Variants in ATM observed in about 807,000 individuals in gnomAD.
The protein encoded by ATM is ATM serine/threonine kinase.
ATM carries 308 observed loss-of-function variants against 387.0 expected under a neutral mutation model. The ratio of observed to expected loss-of-function variants is 0.80; its 90% CI spans 0.73 to 0.87. ATM has a LOEUF of 0.87. Among genes scored for constraint, ATM ranks in the 40% least tolerant of loss-of-function variants. The pLI is 0.00. For synonymous variants in ATM, 1,156 were observed against 1,187.3 expected (o/e 0.97, Z 0.54); for missense variants, 3,312 against 3,560.9 (o/e 0.93, Z 1.78).
At chr11:108,362,291 A>C (rs1370336304) in intron 61 of ATM, among the ~76,000 whole-genome samples, 2 of 150,822 alleles carry the variant, frequency 1.3e-5, no homozygotes, top group African/African-American at 4.9e-5. Flanking sequence ...TTAAAAAGTC[A>C]GGAAACAACA....
intron 29 of ATM, 184 bp downstream of exon 29, chr11:108,289,985 G>A (rs754875766): frequency 2.7e-5 from 15 of 563,820 alleles, no homozygotes; most frequent in Non-Finnish European, 4.0e-5. Flanking sequence ...ACCCTGCCGG[G>A]TAGCTGGGGC....
At position 108,289,078 on chromosome 11, in the gene ATM, T is replaced by C. The variant is rs1555096989; in HGVS notation, c.4211T>C (p.Ile1404Thr). Residue 1404 changes from isoleucine (I) to threonine (T), a missense_variant, in exon 28 of 63, where the codon ATT (isoleucine) becomes ACT (threonine). Transcript: ENST00000675843. Reference protein sequence around the residue: ...SNCHKTKLKSILEILSKSPDS... With the variant: ...SNCHKTKLKSTLEILSKSPDS... Reference sequence around the variant, plus strand: ...TGTCATAAAACCAAGTTAAAAAGCATTTTAGAAATTCTTTCCAAAAGCCCT... The same window carrying C: ...TGTCATAAAACCAAGTTAAAAAGCACTTTAGAAATTCTTTCCAAAAGCCCT... 9 of 1,611,030 alleles carry C rather than the reference T, an allele frequency of 5.6e-6. No homozygotes were observed. Among genetic ancestry groups the C allele is most frequent in the Non-Finnish European group, 7.6e-6 (9 of 1,177,480 alleles).
At chr11:108,337,153 G>C (rs992922838) in intron 56 of ATM, among the ~76,000 whole-genome samples, 3 of 152,150 alleles carry the variant, frequency 2.0e-5, no homozygotes, top group Non-Finnish European at 4.4e-5. Flanking sequence ...ATAAAAAGCA[G>C]AACTTGGTTT....
At chr11:108,284,621 A>AT in intron 26 of ATM, 148 bp downstream of exon 26, 1 of 1,091,774 alleles carries the variant, frequency 9.2e-7, no homozygotes, top group Non-Finnish European at 1.3e-6. Flanking sequence ...CAACCCATGA[A>AT]TTTTTTTGGT....
intron 60 of ATM, 77 bp from the exon 61 acceptor site, chr11:108,354,732 CAT>C (rs1310650124): frequency 1.6e-5 from 19 of 1,207,058 alleles, no homozygotes; most frequent in Middle Eastern, 2.0e-4. Flanking sequence ...GCATACTACA[CAT>C]GAGAGTATAC....
chr11:108,365,710 CTT>C lies in ATM; in HGVS notation c.*204_*205del. On this transcript the variant is annotated 3_prime_UTR_variant, in exon 63 of 63. Coordinates refer to ENST00000675843, the MANE Select transcript of ATM (RefSeq NM_000051.4). Reference sequence around the variant, plus strand: ...CTTAAGGAACATCTCTGCTTTCACTCTTTAGAAATAATGGTCATTCGGGCTGG... The same window carrying C: ...CTTAAGGAACATCTCTGCTTTCACTCTAGAAATAATGGTCATTCGGGCTGG... The C allele has an allele frequency of 2.9e-6, 2 of 699,198 alleles. No individual in the cohort carries two copies. Among genetic ancestry groups the C allele is most frequent in the Non-Finnish European group, 4.6e-6 (2 of 433,410 alleles). The allele number at this position is 699,198 out of a possible 1,614,324, so 43.3% of individuals were successfully genotyped here.
chr11:108,339,620 C>T (rs1436888833), intron 56 of ATM, among the ~76,000 whole-genome samples: 1 of 152,052 alleles, frequency 6.6e-6, no homozygotes, highest in Non-Finnish European at 1.5e-5. Flanking sequence ...TTTTGAAATT[C>T]AAATTCAGCT....
intron 23 of ATM, 81 bp downstream of exon 23, chr11:108,279,689 AAG>A: frequency 4.4e-6 from 5 of 1,132,350 alleles, no homozygotes; most frequent in Admixed American, 1.7e-5. Context: ...AGTTTGGTAT[AAG>A]AGAGTTTATA....
Position 108,304,666 on chromosome 11 carries a change from A to G in ATM, c.5497-9A>G, listed in dbSNP as rs878853524. The stretch of plus-strand genomic sequence containing the variant: ...CAAACTATTGGGTGGATTTGTTTGT[A>G]TATTCTAGGTGAAAACTGACTTTTG... On this transcript the variant is annotated splice_polypyrimidine_tract_variant and intron_variant, in intron 36 of 62. Coordinates refer to ENST00000675843, the MANE Select transcript of ATM (RefSeq NM_000051.4). 6.2e-7 allele frequency: 1 copy of G among 1,612,932 alleles called. No homozygotes were observed. Among genetic ancestry groups the G allele is most frequent in the Admixed American group, 1.7e-5 (1 of 59,998 alleles).
intron 22 of ATM, among the ~76,000 whole-genome samples, chr11:108,273,498 T>C (rs1049447268): frequency 6.6e-6 from 1 of 151,918 alleles, no homozygotes. Flanking sequence ...CCTGCCACCA[T>C]GCCCAGCTAA....
intron 32 of ATM, 151 bp downstream of exon 32, chr11:108,295,210 G>A (rs1591685720): frequency 1.1e-6 from 1 of 944,914 alleles, no homozygotes; most frequent in East Asian, 2.6e-5. Context: ...CTGTAAAACT[G>A]GTCCTAACTG....
intron 58 of ATM, chr11:108,346,607 C>CTCT (rs2088440430): frequency 6.6e-6 from 1 of 152,460 alleles, no homozygotes; most frequent in Admixed American, 6.5e-5. Context: ...TTGTGAAACT[C>CTCT]TCTTCTACAT....
At chr11:108,308,911 A>C in intron 38 of ATM, 3 of 978,326 alleles carry the variant, frequency 3.1e-6, no homozygotes, top group Non-Finnish European at 4.7e-6. Context: ...AATGTAGTGG[A>C]GAGCATTTGT....
intron 48 of ATM, 144 bp from the exon 49 acceptor site, chr11:108,328,877 G>T: frequency 2.2e-6 from 2 of 921,550 alleles, no homozygotes; most frequent in Non-Finnish European, 3.3e-6. Context: ...CCGTGGGTTG[G>T]ACAAGTTTGC....
At chr11:108,248,526 C>G (rs970410365) in intron 8 of ATM, among the ~76,000 whole-genome samples, 1 of 152,020 alleles carries the variant, frequency 6.6e-6, no homozygotes, top group Non-Finnish European at 1.5e-5. Context: ...TTTATGAGTT[C>G]CCTGTATCTT....
Position 108,317,463 on chromosome 11 carries a change from G to T in ATM, c.6289G>T (p.Glu2097Ter), listed in dbSNP as rs1555114737. The change falls in exon 43 of 63, where the codon GAA becomes TAA. Residue 2097 changes from glutamate (E) to a stop codon, truncating the protein, a stop_gained. Transcript: ENST00000675843. LOFTEE classifies it high-confidence loss of function. ...ENKDWCPELE[E>*]LHYQAAWRNM... ...TAAAGACTGGTGTCCTGAACTAGAAGAACTTCATTACCAAGCAGCATGGAG... is the reference window on the plus strand; with the variant it reads ...TAAAGACTGGTGTCCTGAACTAGAATAACTTCATTACCAAGCAGCATGGAG... 5 of 1,610,776 alleles carry T rather than the reference G, an allele frequency of 3.1e-6. No individual in the cohort carries two copies. The highest frequency in any genetic ancestry group is 4.2e-6 in the Non-Finnish European group (5 of 1,178,968).
intron 38 of ATM, 129 bp from the exon 39 acceptor site, chr11:108,310,031 A>G (rs2084009431): frequency 1.1e-6 from 1 of 877,090 alleles, no homozygotes; most frequent in Non-Finnish European, 1.8e-6. Context: ...TATATTGGGG[A>G]AATGTGGTTT....
Position 108,335,924 on chromosome 11 carries a change from A to C in ATM, c.8231A>C (p.Glu2744Ala), listed in dbSNP as rs764003317. The C allele has an allele frequency of 2.5e-6, 4 of 1,613,956 alleles. No individual in the cohort carries two copies. In the East Asian group the frequency reaches 8.9e-5, roughly 36 times the overall value. ...AATACATTACTGCAGAGAAACACGG[A>C]AACTAGGAAGAGGAAATTAACTATC... Reference protein sequence around the residue: ...MCNTLLQRNTETRKRKLTICT... With the variant: ...MCNTLLQRNTATRKRKLTICT... Residue 2744 changes from glutamate (E) to alanine (A), a missense_variant, in exon 56 of 63, where the codon GAA becomes GCA. By Grantham distance (107) the Glu-to-Ala change is moderately radical (BLOSUM62 -1). Around this residue, in one of 4 missense-constraint regions of ATM, gnomAD observed 1,405 missense variants for 1,604.4 expected, o/e 0.88. Transcript: ENST00000675843.
chr11:108,340,528 C>T (rs1253430932), intron 56 of ATM, among the ~76,000 whole-genome samples: 1 of 152,190 alleles, frequency 6.6e-6, no homozygotes, highest in Non-Finnish European at 1.5e-5. Context: ...TCCTATTGGT[C>T]AACTTCCAGG....
Sources: allele counts gnomAD v4.1 joint callset (sites outside exome capture counted in the v4.1 genomes callset), GRCh38; gene constraint gnomAD v4.1.1; regional missense constraint gnomAD v4.1.1; transcripts MANE v1.5; gene names NCBI Gene and HGNC (gene_info 2026-07-23, HGNC 2026-07-21).